DMRT1: variants seen among roughly 807,000 people sequenced by gnomAD.
DMRT1 encodes doublesex- and mab-3-related transcription factor 1.
DMRT1 carries 7 observed loss-of-function variants against 32.3 expected under a neutral mutation model. That is an observed-to-expected ratio of 0.22 (90% CI 0.12 to 0.41). The LOEUF (loss-of-function observed/expected upper bound fraction) is 0.41. DMRT1 is among the 10% of genes least tolerant of loss of function. The pLI is 1.00. For synonymous variants in DMRT1, 278 were observed against 206.1 expected (o/e 1.35, Z -2.99); for missense variants, 625 against 500.5 (o/e 1.25, Z -2.37).
At chr9:847,484 G>C (rs538871782) in intron 2 of DMRT1, among the ~76,000 whole-genome samples, 6 of 152,264 alleles carry the variant, frequency 3.9e-5, no homozygotes, top group Non-Finnish European at 8.8e-5. Context: ...TTGTTTCCTA[G>C]AACTAGAAGT....
At position 858,699 on chromosome 9, in the gene DMRT1, C is replaced by T. The variant is rs1014348886; in HGVS notation, c.538+11556C>T. On this transcript the variant is annotated intron_variant, in intron 2 of 4. Transcript: ENST00000382276. Reference sequence around the variant, plus strand: ...GACCAGCCTGACCAACATGGCGAATCCCTGTCTCTACTAAAAATACAAAAA... The same window carrying T: ...GACCAGCCTGACCAACATGGCGAATTCCTGTCTCTACTAAAAATACAAAAA... 5.3e-5 allele frequency among the ~76,000 whole-genome samples: 8 copies of T among 151,940 alleles called. No homozygotes were observed. The South Asian group carries it at 1.2e-3, about 24-fold the overall frequency.
At chr9:860,916 G>A (rs1815630278) in intron 2 of DMRT1, among the ~76,000 whole-genome samples, 2 of 152,210 alleles carry the variant, frequency 1.3e-5, no homozygotes, top group South Asian at 4.1e-4. Context: ...CACCAGTGGG[G>A]TTGTGTCATG....
At chr9:942,137 C>G (rs1189887199) in intron 4 of DMRT1, among the ~76,000 whole-genome samples, 1 of 152,202 alleles carries the variant, frequency 6.6e-6, no homozygotes, top group Non-Finnish European at 1.5e-5. Context: ...CCATGACCAT[C>G]TAGGCCTTGG....
At chr9:895,229 T>A (rs1342146383) in intron 3 of DMRT1, among the ~76,000 whole-genome samples, 1 of 152,232 alleles carries the variant, frequency 6.6e-6, no homozygotes, top group African/African-American at 2.4e-5. Flanking sequence ...TTCTGCTTCC[T>A]CAGTTGCAAC....
intron 4 of DMRT1, among the ~76,000 whole-genome samples, chr9:930,054 G>A (rs189396207): frequency 2.6e-5 from 4 of 152,292 alleles, no homozygotes; most frequent in African/African-American, 9.6e-5. Context: ...CCTGGTTGAA[G>A]TCTTCCTCAT....
intron 3 of DMRT1, among the ~76,000 whole-genome samples, chr9:904,014 A>G (rs1214183758): frequency 6.6e-6 from 1 of 152,214 alleles, no homozygotes; most frequent in Admixed American, 6.5e-5. Context: ...AATCCCCTGT[A>G]AAGTGCTGAT....
At chr9:893,693 A>G (rs1170888208) in intron 2 of DMRT1, among the ~76,000 whole-genome samples, 1 of 152,248 alleles carries the variant, frequency 6.6e-6, no homozygotes, top group Admixed American at 6.5e-5. Flanking sequence ...TGATACTCTC[A>G]GTAAAAACAA....
intron 2 of DMRT1, among the ~76,000 whole-genome samples, chr9:891,901 A>G (rs1316693630): frequency 2.0e-5 from 3 of 152,138 alleles, no homozygotes; most frequent in Non-Finnish European, 4.4e-5. Flanking sequence ...CCCTTCAGCA[A>G]ATATTGACCC....
chr9:885,454 G>C (rs972344552), intron 2 of DMRT1, among the ~76,000 whole-genome samples: 1 of 152,122 alleles, frequency 6.6e-6, no homozygotes, highest in Non-Finnish European at 1.5e-5. Context: ...TCAGGCTGTC[G>C]AGCGGCCCGA....
At chr9:895,450 G>A (rs1204972560) in intron 3 of DMRT1, among the ~76,000 whole-genome samples, 1 of 152,172 alleles carries the variant, frequency 6.6e-6, no homozygotes, top group Non-Finnish European at 1.5e-5. Context: ...CTTCCTCAGT[G>A]GGGATTTGAT....
chr9:920,599 G>C (rs893341800), intron 4 of DMRT1, among the ~76,000 whole-genome samples: 3 of 152,218 alleles, frequency 2.0e-5, no homozygotes, highest in African/African-American at 7.2e-5. Context: ...AGCTCTTCAG[G>C]AGTTTTGCTG....
intron 4 of DMRT1, among the ~76,000 whole-genome samples, chr9:948,372 G>A (rs1819316665): frequency 1.3e-5 from 2 of 152,084 alleles, no homozygotes; most frequent in South Asian, 4.2e-4. Context: ...CTCTCCACAG[G>A]GACATGAACT....
At chr9:902,018 T>A (rs901885760) in intron 3 of DMRT1, among the ~76,000 whole-genome samples, 1 of 150,332 alleles carries the variant, frequency 6.7e-6, no homozygotes, top group Admixed American at 6.7e-5. Flanking sequence ...CAAGCGGTTC[T>A]CCTGCCTCAG....
At chr9:952,094 G>A (rs192199228) in intron 4 of DMRT1, among the ~76,000 whole-genome samples, 24 of 152,320 alleles carry the variant, frequency 1.6e-4, no homozygotes, top group African/African-American at 5.3e-4. Context: ...TAACTAGTAA[G>A]TGACCCAGCC....
chr9:923,124 C>G (rs78102811), intron 4 of DMRT1, among the ~76,000 whole-genome samples: 1 of 152,134 alleles, frequency 6.6e-6, no homozygotes, highest in Non-Finnish European at 1.5e-5. Flanking sequence ...TAGCTTGCAC[C>G]TCAGGGAGTG....
chr9:888,269 G>C (rs961301419), intron 2 of DMRT1, among the ~76,000 whole-genome samples: 1 of 151,880 alleles, frequency 6.6e-6, no homozygotes, highest in Non-Finnish European at 1.5e-5. Flanking sequence ...GAGTGATTTA[G>C]GTAGAAGCCT....
intron 4 of DMRT1, among the ~76,000 whole-genome samples, chr9:954,727 T>C (rs571172768): frequency 1.3e-5 from 2 of 152,194 alleles, no homozygotes; most frequent in South Asian, 2.1e-4. Flanking sequence ...CTGTAACCTG[T>C]GCCTCCCAGG....
chr9:861,107 GA>G (rs1401534404), intron 2 of DMRT1, among the ~76,000 whole-genome samples: 1 of 148,954 alleles, frequency 6.7e-6, no homozygotes, highest in African/African-American at 2.5e-5. Flanking sequence ...GTTTCTCGGA[GA>G]GGGGGATTTG....
At chr9:869,945 C>G (rs1255278608) in intron 2 of DMRT1, among the ~76,000 whole-genome samples, 1 of 151,972 alleles carries the variant, frequency 6.6e-6, no homozygotes, top group Non-Finnish European at 1.5e-5. Flanking sequence ...CCTGAAGACC[C>G]CTGCGCGTGT....
Sources: allele counts gnomAD v4.1 joint callset (sites outside exome capture counted in the v4.1 genomes callset), GRCh38; gene constraint gnomAD v4.1.1; transcripts MANE v1.5; gene names NCBI Gene and HGNC (gene_info 2026-07-23, HGNC 2026-07-21).